CHD2: variants seen among roughly 807,000 people sequenced by gnomAD.
CHD2 encodes the protein ATP-dependent chromatin remodeler CHD2.
A neutral mutation model predicts 243.9 loss-of-function variants in CHD2; 28 were observed. That is an observed-to-expected ratio of 0.11 (90% confidence interval 0.09 to 0.16). The LOEUF (loss-of-function observed/expected upper bound fraction) is 0.16, where lower values mean the gene tolerates loss of function less well. Among genes scored for constraint, CHD2 ranks in the 10% least tolerant of loss-of-function variants. CHD2 has a pLI of 1.00. For missense variants in CHD2, 1,386 were observed against 2,209.8 expected (o/e 0.63, Z 7.47); for synonymous variants, 775 against 779.0 (o/e 0.99, Z 0.09).
At chr15:93,009,756 T>A (rs534628563) in intron 35 of CHD2, among the ~76,000 whole-genome samples, 51 of 152,372 alleles carry the variant, frequency 3.3e-4, no homozygotes, top group African/African-American at 1.1e-3. Flanking sequence ...CCGCAAGAAC[T>A]ATGAGTTCTC....
At chr15:93,003,940 A>G (rs1394869310) in intron 33 of CHD2, among the ~76,000 whole-genome samples, 2 of 152,082 alleles carry the variant, frequency 1.3e-5, no homozygotes, top group Admixed American at 6.6e-5. Context: ...CCTGGACAAC[A>G]TGGTGAAACC....
chr15:92,930,617 A>G (rs1051228984), intron 5 of CHD2, among the ~76,000 whole-genome samples: 2 of 152,056 alleles, frequency 1.3e-5, no homozygotes, highest in African/African-American at 4.8e-5. Flanking sequence ...TTTATTGTAT[A>G]GATGGGGTCT....
chr15:92,942,516 G>A, intron 8 of CHD2, among the ~76,000 whole-genome samples: 1 of 151,608 alleles, frequency 6.6e-6, no homozygotes, highest in Non-Finnish European at 1.5e-5. Context: ...TCTATCCTTA[G>A]TCTTGGAGAG....
intron 14 of CHD2, 159 bp downstream of exon 14, chr15:92,953,732 A>T (rs1190133058): frequency 1.5e-6 from 1 of 656,162 alleles, no homozygotes; most frequent in African/African-American, 1.8e-5. Flanking sequence ...CAAAAGTGCA[A>T]CTCAGATGTT....
At chr15:92,990,372 A>C (rs189351892) in intron 26 of CHD2, among the ~76,000 whole-genome samples, 2 of 152,336 alleles carry the variant, frequency 1.3e-5, no homozygotes. Context: ...TTTCTTGAAT[A>C]AATTTCTTAG....
intron 28 of CHD2, among the ~76,000 whole-genome samples, chr15:92,994,801 A>G (rs2141864215): frequency 6.6e-6 from 1 of 152,306 alleles, no homozygotes; most frequent in Non-Finnish European, 1.5e-5. Context: ...TTTTCTTAAC[A>G]GTCCCTTCTC....
chr15:93,024,275 AATATGAGT>A, intron 38 of CHD2, 89 bp from the exon 39 acceptor site: 1 of 1,053,554 alleles, frequency 9.5e-7, no homozygotes, highest in Non-Finnish European at 1.4e-6. Flanking sequence ...TTTGTCCTTG[AATATGAGT>A]ATATGAGGAA....
At chr15:92,902,171 CAG>C in intron 2 of CHD2, 1 of 397,948 alleles carries the variant, frequency 2.5e-6, no homozygotes, top group East Asian at 3.6e-5. Context: ...TGTATTTCGA[CAG>C]AGTCGTCTGG....
chr15:93,010,568 T>C lies in CHD2; in HGVS notation c.4592+1245T>C, dbSNP rs2054379619. ...CCTCCTAAGTAGCTGGGATTACAGGTGCCTGCCATCACGCCTGGCTAATTT... is the reference window on the plus strand; with the variant it reads ...CCTCCTAAGTAGCTGGGATTACAGGCGCCTGCCATCACGCCTGGCTAATTT... On this transcript the variant is annotated intron_variant, in intron 35 of 38. Coordinates refer to ENST00000394196, the MANE Select transcript of CHD2 (RefSeq NM_001271.4). Among the ~76,000 whole-genome samples the C allele has an allele frequency of 2.0e-5, 3 of 152,060 alleles. No individual in the cohort carries two copies. The South Asian group carries it at 6.2e-4, about 32-fold the overall frequency.
At chr15:92,978,151 T>A in intron 20 of CHD2, 83 bp from the exon 21 acceptor site, 1 of 1,509,238 alleles carries the variant, frequency 6.6e-7, no homozygotes, top group Non-Finnish European at 9.2e-7. Context: ...CCTGCAGGGG[T>A]TTCCAGGTGT....
chr15:92,954,541 T>C (rs1177525451), intron 14 of CHD2, among the ~76,000 whole-genome samples: 1 of 152,252 alleles, frequency 6.6e-6, no homozygotes, highest in Non-Finnish European at 1.5e-5. Flanking sequence ...GCTGATTTCA[T>C]TGGCCTAATT....
chr15:92,918,637 C>T (rs2052888209), intron 2 of CHD2, among the ~76,000 whole-genome samples: 1 of 152,006 alleles, frequency 6.6e-6, no homozygotes, highest in Admixed American at 6.6e-5. Flanking sequence ...CTTTCTGCCT[C>T]CTCTACTAAA....
chr15:92,941,067 T>A (rs1205784861), intron 7 of CHD2, among the ~76,000 whole-genome samples: 1 of 148,914 alleles, frequency 6.7e-6, no homozygotes, highest in Non-Finnish European at 1.5e-5. Context: ...AGTGGCGCGA[T>A]CTTGGATCAC....
intron 5 of CHD2, among the ~76,000 whole-genome samples, chr15:92,930,195 T>C (rs1596384107): frequency 6.6e-6 from 1 of 152,296 alleles, no homozygotes; most frequent in East Asian, 1.9e-4. Context: ...CTTTTGAGTA[T>C]CTTTCCTGAA....
intron 33 of CHD2, among the ~76,000 whole-genome samples, chr15:93,003,689 T>C (rs1474512294): frequency 6.6e-6 from 1 of 152,018 alleles, no homozygotes. Context: ...TTCCCTGATT[T>C]TATTACTCTT....
chr15:92,938,038 A>G (rs1468136025), intron 6 of CHD2, among the ~76,000 whole-genome samples: 1 of 152,210 alleles, frequency 6.6e-6, no homozygotes, highest in Non-Finnish European at 1.5e-5. Context: ...AATTATGCTA[A>G]TTTTTGATAA....
In CHD2 at chr15:93,004,534, A is replaced by G. The variant is rs566557085; in HGVS notation, c.4279-83A>G. ...GAGACCATCATATTTACCCATTTTA[A>G]TAACACAACATAGGTAAGAAACCTA... On this transcript the variant is annotated intron_variant, in intron 33 of 38. Coordinates refer to ENST00000394196, the MANE Select transcript of CHD2 (RefSeq NM_001271.4). 2.5e-5 allele frequency: 33 copies of G among 1,302,748 alleles called. No homozygotes were observed. In the South Asian group the frequency reaches 6.1e-4, roughly 24 times the overall value. The allele number at this position is 1,302,748 out of a possible 1,614,324, so 80.7% of individuals were successfully genotyped here. A position where few individuals can be genotyped will look rare whatever the true frequency, so the allele number is the denominator to read the frequency against.
chr15:92,921,426 A>G (rs935766450), intron 2 of CHD2: 1 of 152,220 alleles, frequency 6.6e-6, no homozygotes, highest in Non-Finnish European at 1.5e-5. Flanking sequence ...ACAAGCCTTC[A>G]GCTGCCTTTG....
In CHD2 at chr15:92,972,376, A is replaced by G. The variant is rs1326451036; in HGVS notation, c.2464A>G (p.Ile822Val). ...CTCTCAGATGGTGAGAATGTTGGAT[A>G]TCCTGGCTGAATACCTAACTATTAA... The part of the protein sequence containing the change: ...IFSQMVRMLD[I>V]LAEYLTIKHY... The change falls in exon 19 of 39, where the codon ATC becomes GTC. Residue 822 changes from isoleucine to valine, a missense_variant. Physicochemically the swap from Ile to Val is conservative, Grantham distance 29. This residue lies in a region of CHD2 where 118 missense variants were observed against 266.3 expected (regional missense o/e 0.44). Coordinates refer to ENST00000394196, the MANE Select transcript of CHD2 (RefSeq NM_001271.4). 1.2e-6 allele frequency: 2 copies of G among 1,611,682 alleles called. No homozygotes were observed. The highest frequency in any genetic ancestry group is 2.7e-5 in the African/African-American group (2 of 74,648).
Sources: allele counts gnomAD v4.1 joint callset (sites outside exome capture counted in the v4.1 genomes callset), GRCh38; gene constraint gnomAD v4.1.1; regional missense constraint gnomAD v4.1.1; transcripts MANE v1.5; gene names NCBI Gene and HGNC (gene_info 2026-07-23, HGNC 2026-07-21).